Variants in TEX9 observed in about 807,000 individuals in gnomAD.
The protein encoded by TEX9 is testis-expressed protein 9.
A neutral mutation model predicts 59.6 loss-of-function variants in TEX9; 74 were observed. The observed-to-expected ratio is 1.24, with a 90% CI of 1.03 to 1.51. The LOEUF is 1.51. Ranked by LOEUF, TEX9 falls within the 40% of genes most tolerant of loss-of-function variation. The pLI, the probability that TEX9 is intolerant of heterozygous loss-of-function variation, is 0.00. For missense variants in TEX9, 522 were observed against 447.8 expected (o/e 1.17, Z -1.49); for synonymous variants, 186 against 152.2 (o/e 1.22, Z -1.64).
intron 1 of TEX9, among the ~76,000 whole-genome samples, chr15:56,256,284 G>T (rs2044143536): frequency 6.6e-6 from 1 of 151,884 alleles, no homozygotes; most frequent in Non-Finnish European, 1.5e-5. Context: ...CCCGGCCAAG[G>T]GCACACAATC....
At chr15:56,416,727 A>G (rs1398283490) in intron 10 of TEX9, among the ~76,000 whole-genome samples, 4 of 151,850 alleles carry the variant, frequency 2.6e-5, no homozygotes, top group Non-Finnish European at 1.5e-5. Flanking sequence ...GCCCCATAGA[A>G]TGAGTTGGGG....
Position 56,283,252 on chromosome 15 carries a change from T to G in TEX9, c.-107+38974T>G, listed in dbSNP as rs182910140. 5.8e-4 allele frequency among the ~76,000 whole-genome samples: 89 copies of G among 152,328 alleles called. 2 individuals carry two copies. The highest frequency in any genetic ancestry group is 4.8e-3 in the Admixed American group (74 of 15,304). On this transcript the variant is annotated intron_variant, in intron 1 of 5. Coordinates refer to the TEX9 transcript ENST00000560827. ...ATGACCATGTTATCATGTTGTAATTTGTTTTAGTTTCTTTATGTTGGTGGT... is the reference window on the plus strand; with the variant it reads ...ATGACCATGTTATCATGTTGTAATTGGTTTTAGTTTCTTTATGTTGGTGGT...
At chr15:56,302,623 AAAGGAAGAAAAGAAGG>A (rs1475978413) in intron 1 of TEX9, among the ~76,000 whole-genome samples, 1 of 152,214 alleles carries the variant, frequency 6.6e-6, no homozygotes, top group Non-Finnish European at 1.5e-5. Context: ...TCACAAAAAG[AAAGGAAGAAAAGAAGG>A]AAGGAAGAGA....
chr15:56,427,487 A>C, intron 10 of TEX9, 118 bp from the exon 11 acceptor site: 1 of 667,142 alleles, frequency 1.5e-6, no homozygotes, highest in Non-Finnish European at 2.2e-6. Context: ...TTTATCTACA[A>C]AAATTTTATA....
intron 1 of TEX9, among the ~76,000 whole-genome samples, chr15:56,271,300 A>G (rs1281805261): frequency 1.3e-5 from 2 of 152,122 alleles, no homozygotes; most frequent in Non-Finnish European, 2.9e-5. Flanking sequence ...ATCTTTTCAC[A>G]TAGTCCCATA....
chr15:56,427,088 C>T (rs559349802), intron 10 of TEX9, among the ~76,000 whole-genome samples: 10 of 152,170 alleles, frequency 6.6e-5, no homozygotes, highest in African/African-American at 2.4e-4. Flanking sequence ...TGCTCTCTGA[C>T]TCCTCAGTCC....
At chr15:56,325,830 C>T (rs76388485) in intron 1 of TEX9, among the ~76,000 whole-genome samples, 6,684 of 152,150 alleles carry the variant, frequency 0.044, 224 homozygotes, top group Admixed American at 0.086. Flanking sequence ...CATTTTTTGA[C>T]CAAAATTTAG....
chr15:56,410,509 T>G (rs1596207388), intron 9 of TEX9, among the ~76,000 whole-genome samples: 1 of 152,126 alleles, frequency 6.6e-6, no homozygotes, highest in South Asian at 2.1e-4. Flanking sequence ...GACTTCAGAT[T>G]TTTCGTGAAA....
At chr15:56,458,283 C>G in the TEX9 span, among the ~76,000 whole-genome samples, 1 of 151,800 alleles carries the variant, frequency 6.6e-6, no homozygotes, top group African/African-American at 2.4e-5. Context: ...AGTTCCAGAG[C>G]CTTAAAAAAA....
chr15:56,447,770 C>T (rs1015843974), downstream of TEX9: 2 of 152,098 alleles, frequency 1.3e-5, no homozygotes, highest in African/African-American at 4.8e-5. Context: ...TGAACACGTC[C>T]CAATCACTTC....
chr15:56,300,214 G>C (rs1404933599), intron 1 of TEX9, among the ~76,000 whole-genome samples: 1 of 151,948 alleles, frequency 6.6e-6, no homozygotes, highest in Non-Finnish European at 1.5e-5. Context: ...GATCATCGCA[G>C]TAGCCAGGCA....
At chr15:56,444,891 C>G (rs2050881155) in intron 12 of TEX9, among the ~76,000 whole-genome samples, 1 of 152,004 alleles carries the variant, frequency 6.6e-6, no homozygotes, top group South Asian at 2.1e-4. Flanking sequence ...AAGTAGCTCT[C>G]TCAGGACAAT....
At chr15:56,261,344 A>G (rs2141346745) in intron 1 of TEX9, among the ~76,000 whole-genome samples, 1 of 152,188 alleles carries the variant, frequency 6.6e-6, no homozygotes, top group East Asian at 1.9e-4. Flanking sequence ...TGTAAAGTCA[A>G]CTTTCTTCTA....
intron 1 of TEX9, among the ~76,000 whole-genome samples, chr15:56,359,642 T>C (rs1173286158): frequency 6.6e-6 from 1 of 152,176 alleles, no homozygotes; most frequent in Non-Finnish European, 1.5e-5. Flanking sequence ...ATTTCTTCTT[T>C]TGGATTTTCT....
At chr15:56,271,380 T>A (rs2044527133) in intron 1 of TEX9, among the ~76,000 whole-genome samples, 1 of 152,224 alleles carries the variant, frequency 6.6e-6, no homozygotes, top group Admixed American at 6.5e-5. Context: ...TTCATTTCAT[T>A]AATTTCATCT....
At chr15:56,405,143 T>A (rs1039179899) in intron 9 of TEX9, among the ~76,000 whole-genome samples, 1 of 151,522 alleles carries the variant, frequency 6.6e-6, no homozygotes, top group Non-Finnish European at 1.5e-5. Context: ...ATAAAAAAAA[T>A]TAAAATACAA....
In TEX9 at chr15:56,422,548, ATAATT is replaced by A. The variant is rs369500073; in HGVS notation, c.964-5053_964-5049del. 2.8e-3 allele frequency among the ~76,000 whole-genome samples: 423 copies of A among 151,926 alleles called. 10 individuals are homozygous for A. The highest frequency in any genetic ancestry group is 9.7e-3 in the African/African-American group (400 of 41,248). Reference sequence around the variant, plus strand: ...CTCCAAGTAATATAGCATTTTATGAATAATTTAAGAGCCTTTTAGCAGTATACTTC... The same window carrying A: ...CTCCAAGTAATATAGCATTTTATGAATAAGAGCCTTTTAGCAGTATACTTC... On this transcript the variant is annotated intron_variant, in intron 10 of 12. Coordinates refer to ENST00000352903, the Ensembl canonical transcript of TEX9.
chr15:56,388,449 T>C (rs781520319), intron 4 of TEX9, 23 bp from the exon 5 acceptor site: 3 of 1,581,924 alleles, frequency 1.9e-6, no homozygotes, highest in South Asian at 1.1e-5. Flanking sequence ...TATTAATGTA[T>C]AATGTTTATT....
intron 1 of TEX9, among the ~76,000 whole-genome samples, chr15:56,321,265 C>G (rs189576438): frequency 1.3e-5 from 2 of 152,228 alleles, no homozygotes; most frequent in East Asian, 3.9e-4. Context: ...ATACTCAAAA[C>G]TTAGATGTGG....
Sources: allele counts gnomAD v4.1 joint callset (sites outside exome capture counted in the v4.1 genomes callset), GRCh38; gene constraint gnomAD v4.1.1; transcripts MANE v1.5; gene names NCBI Gene and HGNC (gene_info 2026-07-23, HGNC 2026-07-21).